VPS35L: variants seen among roughly 807,000 people sequenced by gnomAD.
VPS35L encodes VPS35 endosomal protein sorting factor like.
In VPS35L, 83 loss-of-function variants were observed where a neutral mutation model predicts 133.0. The ratio of observed to expected loss-of-function variants is 0.62; its 90% CI spans 0.52 to 0.75. VPS35L has a LOEUF of 0.75. VPS35L is among the 30% of genes least tolerant of loss of function. The pLI is 0.00. For missense variants in VPS35L, 1,083 were observed against 1,206.8 expected, an observed-to-expected ratio of 0.90 and a Z score of 1.52; for synonymous variants, 423 against 449.9, an observed-to-expected ratio of 0.94 and a Z score of 0.76.
At chr16:19,616,230 G>A (rs1167834677) in intron 13 of VPS35L, 39 bp downstream of exon 13, 1 of 1,526,626 alleles carries the variant, frequency 6.6e-7, no homozygotes, top group South Asian at 1.1e-5. Context: ...CGATATAACA[G>A]TTCTATGATA....
chr16:19,696,763 A>G (rs1975926984), intron 29 of VPS35L, among the ~76,000 whole-genome samples: 1 of 152,096 alleles, frequency 6.6e-6, no homozygotes, highest in Non-Finnish European at 1.5e-5. Flanking sequence ...GCTTTTTGCT[A>G]ATTGAGAAGA....
Position 19,579,069 on chromosome 16 carries a change from A to G in VPS35L, c.451A>G (p.Thr151Ala). 3.7e-6 allele frequency: 6 copies of G among 1,614,162 alleles called. No individual in the cohort carries two copies. Among genetic ancestry groups the G allele is most frequent in the Non-Finnish European group, 5.1e-6 (6 of 1,180,026 alleles). The change falls in exon 6 of 31, where the codon ACA becomes GCA. Residue 151 changes from threonine (T) to alanine (A), a missense_variant. Transcript: ENST00000417362. ...CTGTTTAGGCAAAGCTGGGACTGCCACATTGGCAATGTCAGAGAAGGTGCG... is the reference window on the plus strand; with the variant it reads ...CTGTTTAGGCAAAGCTGGGACTGCCGCATTGGCAATGTCAGAGAAGGTGCG... ...GSEKGKAGTA[T>A]LAMSEKVRTR...
chr16:19,581,475 C>T (rs757949023), intron 6 of VPS35L, 50 bp from the exon 7 acceptor site: 18 of 1,490,228 alleles, frequency 1.2e-5, no homozygotes, highest in African/African-American at 7.1e-5. Context: ...AGGGTGTAGT[C>T]GAGCAATGTT....
chr16:19,657,483 T>G (rs564238002), intron 26 of VPS35L, among the ~76,000 whole-genome samples: 4 of 152,330 alleles, frequency 2.6e-5, no homozygotes, highest in African/African-American at 9.6e-5. Context: ...TATTATCCGC[T>G]CACCTGTGCT....
chr16:19,556,337 A>AGG (rs35984953), intron 1 of VPS35L, among the ~76,000 whole-genome samples: 4 of 150,778 alleles, frequency 2.7e-5, no homozygotes, highest in Admixed American at 6.6e-5. Flanking sequence ...TATCCCCACC[A>AGG]GGGGGCTAGG....
intron 26 of VPS35L, chr16:19,652,824 C>G (rs1351334470): frequency 6.6e-6 from 1 of 152,172 alleles, no homozygotes; most frequent in Non-Finnish European, 1.5e-5. Flanking sequence ...GAACAAATAC[C>G]CTACAGTTTG....
At chr16:19,581,847 A>C in intron 7 of VPS35L, 194 bp downstream of exon 7, 1 of 674,248 alleles carries the variant, frequency 1.5e-6, no homozygotes, top group East Asian at 2.8e-5. Flanking sequence ...CAGGGTTACC[A>C]TGTGCAGCTG....
intron 27 of VPS35L, among the ~76,000 whole-genome samples, chr16:19,678,513 T>A (rs1203769758): frequency 2.0e-5 from 3 of 151,826 alleles, no homozygotes; most frequent in Non-Finnish European, 4.4e-5. Context: ...AGTCTCGCTC[T>A]GTTGCCCAGG....
intron 12 of VPS35L, among the ~76,000 whole-genome samples, chr16:19,612,263 T>C (rs1259561375): frequency 6.6e-6 from 1 of 150,696 alleles, no homozygotes; most frequent in Non-Finnish European, 1.5e-5. Flanking sequence ...TGTTTTGTTT[T>C]GTTTTTTTGC....
chr16:19,592,145 G>A (rs1318148914), intron 8 of VPS35L, among the ~76,000 whole-genome samples: 1 of 151,780 alleles, frequency 6.6e-6, no homozygotes, highest in Non-Finnish European at 1.5e-5. Flanking sequence ...CGCAGTCATG[G>A]CTCACTGCAG....
intron 5 of VPS35L, among the ~76,000 whole-genome samples, chr16:19,576,560 G>A (rs866823601): frequency 1.3e-5 from 2 of 152,062 alleles, no homozygotes; most frequent in Admixed American, 1.3e-4. Flanking sequence ...CTATTTTGAT[G>A]CTCCAAGGGG....
chr16:19,700,666 T>C lies in VPS35L; in HGVS notation c.*190T>C. On this transcript the variant is annotated 3_prime_UTR_variant, in exon 31 of 31. Transcript: ENST00000417362. The stretch of plus-strand genomic sequence containing the variant: ...TGAAGAAATGGGAGTTGTCAGAGCA[T>C]TAAAATGCAATCTTCACTAAGAAGC... The C allele has an allele frequency of 1.8e-6, 1 of 570,916 alleles. No homozygotes were observed. The highest frequency in any genetic ancestry group is 2.8e-5 in the East Asian group (1 of 35,684). The allele number at this position is 570,916 out of a possible 1,614,324, so 35.4% of individuals were successfully genotyped here.
At chr16:19,649,542 C>T (rs1974059721) in intron 24 of VPS35L, among the ~76,000 whole-genome samples, 1 of 152,182 alleles carries the variant, frequency 6.6e-6, no homozygotes, top group Non-Finnish European at 1.5e-5. Flanking sequence ...AGCCTTGCAC[C>T]AGTGCTTTTT....
chr16:19,564,235 G>A (rs900864295), intron 1 of VPS35L, among the ~76,000 whole-genome samples: 2 of 150,104 alleles, frequency 1.3e-5, no homozygotes, highest in Non-Finnish European at 3.0e-5. Context: ...GTGCCACCAC[G>A]CCCGGCTAAT....
chr16:19,672,961 T>C (rs1974927058), intron 27 of VPS35L, among the ~76,000 whole-genome samples: 1 of 152,210 alleles, frequency 6.6e-6, no homozygotes, highest in Non-Finnish European at 1.5e-5. Flanking sequence ...CACTGGAGCC[T>C]TTTTGAAAAG....
intron 20 of VPS35L, among the ~76,000 whole-genome samples, chr16:19,638,495 C>T (rs1040413814): frequency 7.9e-5 from 12 of 152,198 alleles, no homozygotes; most frequent in Non-Finnish European, 1.5e-4. Flanking sequence ...TACATACCTA[C>T]GGTAAAGTTT....
intron 14 of VPS35L, 68 bp downstream of exon 14, chr16:19,616,876 C>CT (rs747465576): frequency 6.2e-7 from 1 of 1,603,096 alleles, no homozygotes; most frequent in South Asian, 1.1e-5. Flanking sequence ...CCACTGTGCC[C>CT]TTTAACGTTA....
At chr16:19,635,184 A>T (rs959576051) in intron 19 of VPS35L, among the ~76,000 whole-genome samples, 16 of 151,868 alleles carry the variant, frequency 1.1e-4, no homozygotes, top group Non-Finnish European at 5.9e-5. Context: ...GCAAAAAATT[A>T]AAAAAAGAAA....
chr16:19,617,294 GC>G (rs1027247540), intron 14 of VPS35L: 3 of 271,530 alleles, frequency 1.1e-5, no homozygotes, highest in Non-Finnish European at 2.1e-5. Context: ...AGAGTTCAAG[GC>G]TACAATGAGC....
Sources: gnomAD v4.1 joint callset for allele counts (sites outside exome capture counted in the v4.1 genomes callset) on GRCh38, gnomAD v4.1.1 for gene constraint, MANE v1.5 for transcripts, NCBI Gene and HGNC (gene_info 2026-07-23, HGNC 2026-07-21) for gene names.